Variants in SCN8A observed in about 807,000 individuals in gnomAD.
SCN8A encodes the protein sodium voltage-gated channel alpha subunit 8.
In SCN8A, 30 loss-of-function variants were observed where a neutral mutation model predicts 184.1. The ratio of observed to expected loss-of-function variants is 0.16; its 90% confidence interval spans 0.12 to 0.22. SCN8A has a LOEUF of 0.22. Ranked by LOEUF, SCN8A falls within the 10% of genes least tolerant of loss-of-function variation. The pLI is 1.00. For synonymous variants in SCN8A, 852 were observed against 907.0 expected, an observed-to-expected ratio of 0.94 and a Z score of 1.09; for missense variants, 1,057 against 2,498.9, an observed-to-expected ratio of 0.42 and a Z score of 12.30.
chr12:51,804,994 GT>G (rs1210035945), intron 26 of SCN8A, among the ~76,000 whole-genome samples: 1 of 152,156 alleles, frequency 6.6e-6, no homozygotes, highest in Non-Finnish European at 1.5e-5. Flanking sequence ...GGATAATGAG[GT>G]TATGAGGTGT....
At chr12:51,592,306 A>G (rs1347345965) in intron 1 of SCN8A, among the ~76,000 whole-genome samples, 2 of 151,716 alleles carry the variant, frequency 1.3e-5, no homozygotes, top group Non-Finnish European at 1.5e-5. Context: ...CCACCGGTGG[A>G]GACTTGGCTA....
chr12:51,627,360 G>A (rs1940101801), intron 1 of SCN8A, among the ~76,000 whole-genome samples: 1 of 152,156 alleles, frequency 6.6e-6, no homozygotes, highest in Non-Finnish European at 1.5e-5. Flanking sequence ...AACCATAAAA[G>A]CCTCAGAAAA....
At chr12:51,627,149 C>G (rs926792911) in intron 1 of SCN8A, among the ~76,000 whole-genome samples, 1 of 152,032 alleles carries the variant, frequency 6.6e-6, no homozygotes, top group African/African-American at 2.4e-5. Context: ...GAGTAGGAGA[C>G]TTATTCTAGT....
chr12:51,598,186 G>A (rs1358629926), intron 1 of SCN8A, among the ~76,000 whole-genome samples: 1 of 152,138 alleles, frequency 6.6e-6, no homozygotes, highest in Non-Finnish European at 1.5e-5. Context: ...GGAGTGTGAC[G>A]AATCATCATA....
intron 1 of SCN8A, among the ~76,000 whole-genome samples, chr12:51,652,196 A>G (rs1312578503): frequency 6.6e-6 from 1 of 151,482 alleles, no homozygotes; most frequent in South Asian, 2.1e-4. Context: ...GAATTTCACT[A>G]CCTTTCATCC....
chr12:51,621,792 A>G (rs944179074), intron 1 of SCN8A, among the ~76,000 whole-genome samples: 1 of 152,218 alleles, frequency 6.6e-6, no homozygotes, highest in African/African-American at 2.4e-5. Context: ...TCTGCGATGT[A>G]GGCAGAATGA....
chr12:51,679,404 T>C (rs1380120228), intron 2 of SCN8A, among the ~76,000 whole-genome samples: 1 of 152,198 alleles, frequency 6.6e-6, no homozygotes, highest in African/African-American at 2.4e-5. Flanking sequence ...TTTACATTCT[T>C]AAATGGTTGG....
At chr12:51,714,117 A>G (rs1941927025) in intron 11 of SCN8A, among the ~76,000 whole-genome samples, 1 of 152,200 alleles carries the variant, frequency 6.6e-6, no homozygotes, top group African/African-American at 2.4e-5. Flanking sequence ...GAAGAAAATC[A>G]AGTTTCATAC....
chr12:51,606,374 C>T (rs1345863150), intron 1 of SCN8A, among the ~76,000 whole-genome samples: 1 of 152,070 alleles, frequency 6.6e-6, no homozygotes, highest in African/African-American at 2.4e-5. Context: ...TTTTTGTTTC[C>T]TTTGTTGAAG....
intron 1 of SCN8A, among the ~76,000 whole-genome samples, chr12:51,617,346 T>C (rs1939863041): frequency 6.6e-6 from 1 of 152,182 alleles, no homozygotes; most frequent in Admixed American, 6.5e-5. Context: ...TTGTGTATTT[T>C]CAAGTTCATC....
chr12:51,730,007 ATTTG>A (rs1247630401), intron 12 of SCN8A, among the ~76,000 whole-genome samples: 2 of 150,418 alleles, frequency 1.3e-5, no homozygotes, highest in East Asian at 1.9e-4. Flanking sequence ...TTTATTATTG[ATTTG>A]TTTTTTATGT....
intron 1 of SCN8A, among the ~76,000 whole-genome samples, chr12:51,633,244 C>T (rs1443649871): frequency 3.9e-5 from 6 of 152,088 alleles, no homozygotes; most frequent in African/African-American, 9.7e-5. Context: ...TGTGCATACT[C>T]ATATATACAC....
chr12:51,644,597 C>T (rs71449813), intron 1 of SCN8A, among the ~76,000 whole-genome samples: 1 of 152,310 alleles, frequency 6.6e-6, no homozygotes, highest in East Asian at 1.9e-4. Flanking sequence ...ACCTCCACCT[C>T]CCAGCAGCCT....
intron 1 of SCN8A, among the ~76,000 whole-genome samples, chr12:51,641,056 T>C (rs1417260033): frequency 6.6e-6 from 1 of 152,104 alleles, no homozygotes; most frequent in Non-Finnish European, 1.5e-5. Context: ...ATATGTAGTT[T>C]CTCCATCCAT....
intron 8 of SCN8A, among the ~76,000 whole-genome samples, chr12:51,702,195 G>A (rs573221150): frequency 6.6e-6 from 1 of 151,940 alleles, no homozygotes; most frequent in Non-Finnish European, 1.5e-5. Context: ...GGTGGCAGGT[G>A]CCTGTAATCC....
chr12:51,606,748 C>T (rs117345865), intron 1 of SCN8A, among the ~76,000 whole-genome samples: 2,173 of 151,990 alleles, frequency 0.014, 30 homozygotes, highest in Non-Finnish European at 0.021. Context: ...TTATTTGTGT[C>T]GTCTATGATT....
intron 26 of SCN8A, among the ~76,000 whole-genome samples, chr12:51,800,018 A>G (rs556074724): frequency 2.0e-5 from 3 of 152,362 alleles, no homozygotes; most frequent in South Asian, 4.1e-4. Context: ...AATGTCATCA[A>G]TGTAATGGAC....
chr12:51,607,875 T>TTTTTCTATATCTATATCTATA (rs1939629578), intron 1 of SCN8A, among the ~76,000 whole-genome samples: 1 of 152,190 alleles, frequency 6.6e-6, no homozygotes, highest in Non-Finnish European at 1.5e-5. Context: ...CAAGGATATC[T>TTTTTCTATATCTATATCTATA]GTCTATAGTT....
At chr12:51,778,587 C>T (rs1292880019) in intron 20 of SCN8A, among the ~76,000 whole-genome samples, 1 of 152,144 alleles carries the variant, frequency 6.6e-6, no homozygotes, top group Non-Finnish European at 1.5e-5. Context: ...AACCTTTAAA[C>T]CTGCTCATCC....
Sources: gnomAD v4.1 joint callset for allele counts (sites outside exome capture counted in the v4.1 genomes callset) on GRCh38, gnomAD v4.1.1 for gene constraint, MANE v1.5 for transcripts, NCBI Gene and HGNC (gene_info 2026-07-23, HGNC 2026-07-21) for gene names.